TRAPPC9: variants seen among roughly 807,000 people sequenced by gnomAD.
TRAPPC9 encodes the protein IKK2 binding protein.
A neutral mutation model predicts 124.0 loss-of-function variants in TRAPPC9; 83 were observed. The ratio of observed to expected loss-of-function variants is 0.67; its 90% confidence interval spans 0.56 to 0.80. The LOEUF is 0.80. TRAPPC9 is among the 30% of genes least tolerant of loss of function. The pLI is 0.00. For missense variants in TRAPPC9, 1,302 were observed against 1,508.3 expected (o/e 0.86, Z 2.27); for synonymous variants, 638 against 617.5 (o/e 1.03, Z -0.49).
chr8:140,005,503 C>T (rs889918701), intron 18 of TRAPPC9, among the ~76,000 whole-genome samples: 3 of 152,084 alleles, frequency 2.0e-5, no homozygotes, highest in South Asian at 2.1e-4. Flanking sequence ...TGGGGGTAAA[C>T]GAGCAGGTCT....
At chr8:140,422,631 A>G (rs2070259029) in intron 5 of TRAPPC9, among the ~76,000 whole-genome samples, 3 of 151,734 alleles carry the variant, frequency 2.0e-5, no homozygotes, top group Non-Finnish European at 2.9e-5. Context: ...GCATGTGTCT[A>G]TAATCCCAGC....
intron 17 of TRAPPC9, among the ~76,000 whole-genome samples, chr8:140,130,612 C>T (rs1370059454): frequency 6.6e-6 from 1 of 152,122 alleles, no homozygotes; most frequent in Non-Finnish European, 1.5e-5. Flanking sequence ...TAAGTGGGAC[C>T]CCTTCATCTA....
At chr8:140,017,212 T>A (rs934286021) in intron 18 of TRAPPC9, among the ~76,000 whole-genome samples, 5 of 152,220 alleles carry the variant, frequency 3.3e-5, no homozygotes, top group Non-Finnish European at 7.3e-5. Flanking sequence ...TTTAATAAGC[T>A]GAAGTTTTTA....
intron 5 of TRAPPC9, among the ~76,000 whole-genome samples, chr8:140,408,728 GA>G (rs1184980616): frequency 6.6e-6 from 1 of 151,420 alleles, no homozygotes; most frequent in African/African-American, 2.4e-5. Context: ...CCAGCACCAG[GA>G]CACAGTGCCT....
chr8:140,311,406 T>A, intron 9 of TRAPPC9, 32 bp from the exon 10 acceptor site: 1 of 1,610,494 alleles, frequency 6.2e-7, no homozygotes, highest in Non-Finnish European at 8.5e-7. Flanking sequence ...AATAAAGATG[T>A]ATTAGGCAAA....
intron 17 of TRAPPC9, among the ~76,000 whole-genome samples, chr8:140,066,045 C>T (rs889524366): frequency 2.0e-5 from 3 of 152,162 alleles, no homozygotes; most frequent in Non-Finnish European, 2.9e-5. Flanking sequence ...CCAGTAAGAA[C>T]ATTCATGATT....
chr8:140,087,227 C>T lies in TRAPPC9; in HGVS notation c.2557-63148G>A, dbSNP rs1383027851. Among the ~76,000 whole-genome samples the T allele has an allele frequency of 2.6e-5, 4 of 152,220 alleles. No individual in the cohort carries two copies. Among genetic ancestry groups the T allele is most frequent in the Non-Finnish European group, 5.9e-5 (4 of 68,048 alleles). On this transcript the variant is annotated intron_variant, in intron 17 of 22. Transcript: ENST00000438773. The surrounding 1 kb of genome is among the most constrained non-coding windows in gnomAD (Gnocchi z 4.6). ...GCCTGCTTTTCTTCCCAGTCCCTGG[C>T]TCTTCCTCCTCTGTCTCCCGTGCCC...
At chr8:139,983,796 G>A (rs994030969) in intron 19 of TRAPPC9, among the ~76,000 whole-genome samples, 1 of 152,056 alleles carries the variant, frequency 6.6e-6, no homozygotes, top group African/African-American at 2.4e-5. Context: ...TCCCAAGCTT[G>A]GCTCCAGCAT....
At chr8:140,336,817 C>A (rs2067054595) in intron 9 of TRAPPC9, among the ~76,000 whole-genome samples, 1 of 152,156 alleles carries the variant, frequency 6.6e-6, no homozygotes, top group South Asian at 2.1e-4. Flanking sequence ...GAAAGTCTAA[C>A]CAGGGCCGTG....
chr8:139,729,989 G>A lies in TRAPPC9; in HGVS notation c.*1072C>T, dbSNP rs1157672217. ...CCTGCCCCCAGAACAGGACTCTTGT[G>A]GGTAGTGTAGACACACCCCAGCTCT... On this transcript the variant is annotated 3_prime_UTR_variant, in exon 23 of 23. Coordinates refer to ENST00000438773, the MANE Select transcript of TRAPPC9 (RefSeq NM_001160372.4). 6.6e-6 allele frequency among the ~76,000 whole-genome samples: 1 copy of A among 152,170 alleles called. No individual in the cohort carries two copies. The highest frequency in any genetic ancestry group is 1.5e-5 in the Non-Finnish European group (1 of 68,022).
At position 139,788,235 on chromosome 8, in the gene TRAPPC9, C is replaced by A. The variant is rs1822412646; in HGVS notation, c.3056-56033G>T. Among the ~76,000 whole-genome samples the A allele has an allele frequency of 1.3e-5, 2 of 152,214 alleles. No homozygotes were observed. Among genetic ancestry groups the A allele is most frequent in the Admixed American group, 6.5e-5 (1 of 15,288 alleles). On this transcript the variant is annotated intron_variant, in intron 21 of 22. Transcript: ENST00000438773. This position sits in a 1 kb window ranked among gnomAD's most constrained non-coding sequence, Gnocchi z 4.9. ...GCAGCCCCTCCTGTGGCCCAGGACTCTGCTGAGCTTCAGGTCCTGGGTGGC... is the reference window on the plus strand; with the variant it reads ...GCAGCCCCTCCTGTGGCCCAGGACTATGCTGAGCTTCAGGTCCTGGGTGGC...
At chr8:139,960,178 T>A (rs540022430) in intron 19 of TRAPPC9, among the ~76,000 whole-genome samples, 1 of 152,236 alleles carries the variant, frequency 6.6e-6, no homozygotes, top group Non-Finnish European at 1.5e-5. Flanking sequence ...CCTCATCACC[T>A]GTGGTCGGCA....
chr8:140,323,999 A>C (rs2066670253), intron 9 of TRAPPC9, among the ~76,000 whole-genome samples: 1 of 152,152 alleles, frequency 6.6e-6, no homozygotes, highest in African/African-American at 2.4e-5. Context: ...CCATTACCCT[A>C]GCGATATACG....
In TRAPPC9 at chr8:140,041,328, G is replaced by T. The variant is rs997332635; in HGVS notation, c.2557-17249C>A. ...TGATTAGAGCCCTGTGAAACAATGA[G>T]CTATCAGTACAGGTGTTCAAACAGC... On this transcript the variant is annotated intron_variant, in intron 17 of 22. Transcript: ENST00000438773. Among the ~76,000 whole-genome samples the T allele has an allele frequency of 3.3e-5, 5 of 152,310 alleles. No homozygotes were observed. In the East Asian group the frequency reaches 9.7e-4, roughly 29 times the overall value.
chr8:140,292,910 C>T (rs1166508566), intron 11 of TRAPPC9, among the ~76,000 whole-genome samples: 2 of 140,006 alleles, frequency 1.4e-5, no homozygotes, highest in East Asian at 2.0e-4. Context: ...AAAGAAACTA[C>T]CATCAGAGTG....
chr8:140,135,305 T>TCCC (rs1450728037), intron 17 of TRAPPC9, among the ~76,000 whole-genome samples: 1 of 152,166 alleles, frequency 6.6e-6, no homozygotes, highest in Non-Finnish European at 1.5e-5. Context: ...GAAACTCCAC[T>TCCC]CCCAGATGTA....
intron 8 of TRAPPC9, among the ~76,000 whole-genome samples, chr8:140,361,183 A>G (rs911213114): frequency 3.3e-5 from 5 of 152,270 alleles, no homozygotes; most frequent in African/African-American, 1.2e-4. Flanking sequence ...CCACGCACTG[A>G]AAGTCCGTAA....
At chr8:139,819,985 G>A (rs1306329490) in intron 21 of TRAPPC9, among the ~76,000 whole-genome samples, 6 of 141,296 alleles carry the variant, frequency 4.2e-5, no homozygotes. Flanking sequence ...TCCAGCCTGG[G>A]CGACAGAGTA....
intron 18 of TRAPPC9, among the ~76,000 whole-genome samples, chr8:140,005,205 A>G (rs1409644382): frequency 1.3e-5 from 2 of 152,286 alleles, no homozygotes; most frequent in African/African-American, 4.8e-5. Flanking sequence ...AACATAGCAC[A>G]CCAACCACCA....
Sources: allele counts gnomAD v4.1 joint callset (sites outside exome capture counted in the v4.1 genomes callset), GRCh38; gene constraint gnomAD v4.1.1; non-coding constraint Gnocchi (gnomAD v3.1); transcripts MANE v1.5; gene names NCBI Gene and HGNC (gene_info 2026-07-23, HGNC 2026-07-21).